The following PTGIS variants were observed in gnomAD, a reference collection of about 807,000 sequenced individuals.
The protein encoded by PTGIS is prostaglandin I2 synthase.
PTGIS carries 45 observed loss-of-function variants against 50.3 expected under a neutral mutation model. The observed-to-expected ratio is 0.90, with a 90% CI of 0.70 to 1.15. PTGIS has a LOEUF of 1.15. Among genes scored for constraint, PTGIS ranks in the 50% most tolerant of loss-of-function variants. The probability of loss-of-function intolerance (pLI) is 0.00; values close to 1 mark genes in which losing one functional copy is unlikely to be tolerated. For synonymous variants in PTGIS, 260 were observed against 267.7 expected (o/e 0.97, Z 0.28); for missense variants, 668 against 661.3 (o/e 1.01, Z -0.11).
chr20:49,516,330 T>G (rs1275475459), intron 6 of PTGIS, among the ~76,000 whole-genome samples: 1 of 152,024 alleles, frequency 6.6e-6, no homozygotes, highest in Non-Finnish European at 1.5e-5. Context: ...CAGGCTGGAG[T>G]GCAATGGCAC....
At chr20:49,509,888 T>TC (rs1568667125) in intron 9 of PTGIS, among the ~76,000 whole-genome samples, 5 of 120,164 alleles carry the variant, frequency 4.2e-5, no homozygotes, top group Non-Finnish European at 8.9e-5. Flanking sequence ...TTTCTTTTTT[T>TC]TTTTTTTTTT....
chr20:49,535,130 G>A (rs1023860587), intron 5 of PTGIS, among the ~76,000 whole-genome samples: 13 of 152,220 alleles, frequency 8.5e-5, no homozygotes, highest in African/African-American at 2.9e-4. Context: ...ATAACTGCAT[G>A]TTGGCAAGGT....
chr20:49,543,574 G>A (rs910889016), intron 4 of PTGIS, among the ~76,000 whole-genome samples: 17 of 152,088 alleles, frequency 1.1e-4, no homozygotes, highest in Non-Finnish European at 1.8e-4. Context: ...CACACTGGCC[G>A]TCTCTCTGAG....
chr20:49,545,746 C>T (rs986767974), intron 3 of PTGIS, among the ~76,000 whole-genome samples: 20 of 152,116 alleles, frequency 1.3e-4, no homozygotes, highest in Admixed American at 5.2e-4. Context: ...TGTCCATGGG[C>T]GGTGCACAGC....
At chr20:49,509,519 C>T (rs112916092) in intron 9 of PTGIS, among the ~76,000 whole-genome samples, 47 of 152,250 alleles carry the variant, frequency 3.1e-4, no homozygotes, top group African/African-American at 1.1e-3. Flanking sequence ...GAATTTGTTC[C>T]AATAGGATTG....
intron 5 of PTGIS, among the ~76,000 whole-genome samples, chr20:49,530,180 C>G (rs939129052): frequency 1.4e-4 from 21 of 151,130 alleles, no homozygotes; most frequent in Non-Finnish European, 2.5e-4. Context: ...AAATTAAACT[C>G]TGTCATAGTT....
chr20:49,546,613 T>C, intron 3 of PTGIS, among the ~76,000 whole-genome samples: 1 of 152,152 alleles, frequency 6.6e-6, no homozygotes. Context: ...TGAAGGAGAA[T>C]GCGCTGTGAA....
intron 6 of PTGIS, among the ~76,000 whole-genome samples, chr20:49,516,853 T>C (rs1981493210): frequency 6.6e-6 from 1 of 152,200 alleles, no homozygotes; most frequent in South Asian, 2.1e-4. Flanking sequence ...TGCATCCCTT[T>C]GGATTAGAGG....
intron 5 of PTGIS, among the ~76,000 whole-genome samples, chr20:49,529,427 A>C (rs1981877878): frequency 6.6e-6 from 1 of 152,180 alleles, no homozygotes; most frequent in Non-Finnish European, 1.5e-5. Flanking sequence ...TATTGTTACA[A>C]ATGGCAGGAT....
intron 6 of PTGIS, among the ~76,000 whole-genome samples, chr20:49,523,329 G>T (rs1339914174): frequency 6.6e-6 from 1 of 152,072 alleles, no homozygotes; most frequent in Non-Finnish European, 1.5e-5. Context: ...TCCCAGTGGG[G>T]AAAAGAGAGC....
At chr20:49,512,050 T>C (rs1981334460) in intron 8 of PTGIS, among the ~76,000 whole-genome samples, 1 of 151,604 alleles carries the variant, frequency 6.6e-6, no homozygotes. Context: ...GGTAGATAAA[T>C]GAGTGGGTGG....
chr20:49,542,907 A>T (rs1732901131), intron 4 of PTGIS, among the ~76,000 whole-genome samples: 1 of 152,024 alleles, frequency 6.6e-6, no homozygotes, highest in Non-Finnish European at 1.5e-5. Flanking sequence ...GTAAAGTCCT[A>T]GCCTCCTAGA....
In PTGIS at chr20:49,540,876, C is replaced by T. The variant is rs1982209382; in HGVS notation, c.522-1155G>A. Among the ~76,000 whole-genome samples, 7 of 152,210 alleles carry T rather than the reference C, an allele frequency of 4.6e-5. No homozygotes were observed. The highest frequency in any genetic ancestry group is 4.6e-4 in the Admixed American group (7 of 15,288). On this transcript the variant is annotated intron_variant, in intron 4 of 9. Coordinates refer to ENST00000244043, the MANE Select transcript of PTGIS (RefSeq NM_000961.4). This position sits in a 1 kb window ranked among gnomAD's most constrained non-coding sequence, Gnocchi z 4.8. The stretch of plus-strand genomic sequence containing the variant: ...AGCCCCGGGGCCTCACCCTCTCACC[C>T]TCCCCTTGAGCTCCTGGATCCCTGT...
intron 9 of PTGIS, 53 bp from the exon 10 acceptor site, chr20:49,508,117 A>G: frequency 6.2e-7 from 1 of 1,603,754 alleles, no homozygotes; most frequent in Non-Finnish European, 8.5e-7. Flanking sequence ...GCAGGGGGTT[A>G]TCGGGAACAA....
chr20:49,525,408 G>A (rs978873464), intron 5 of PTGIS, among the ~76,000 whole-genome samples: 1 of 152,154 alleles, frequency 6.6e-6, no homozygotes, highest in Non-Finnish European at 1.5e-5. Context: ...GATCACTAGC[G>A]TGCATCACCA....
At chr20:49,550,292 T>G in intron 1 of PTGIS, 103 bp from the exon 2 acceptor site, 1 of 1,476,914 alleles carries the variant, frequency 6.8e-7, no homozygotes, top group Non-Finnish European at 9.3e-7. Context: ...GGGGAGGTAA[T>G]CTGAATGGAG....
intron 1 of PTGIS, among the ~76,000 whole-genome samples, chr20:49,562,962 G>A (rs1982813715): frequency 6.6e-6 from 1 of 152,220 alleles, no homozygotes; most frequent in Non-Finnish European, 1.5e-5. Flanking sequence ...CATGTATGCA[G>A]TCGGTGCTCA....
At chr20:49,519,609 C>CA (rs2122849250) in intron 6 of PTGIS, among the ~76,000 whole-genome samples, 2 of 152,072 alleles carry the variant, frequency 1.3e-5, no homozygotes, top group South Asian at 4.2e-4. Flanking sequence ...TCTATGCTGA[C>CA]AACTCCCAAG....
intron 6 of PTGIS, among the ~76,000 whole-genome samples, chr20:49,520,283 TG>T: frequency 6.6e-6 from 1 of 152,214 alleles, no homozygotes; most frequent in South Asian, 2.1e-4. Flanking sequence ...GAGGCCTTCC[TG>T]GGCCTGCCTT....
Sources: allele counts gnomAD v4.1 joint callset (sites outside exome capture counted in the v4.1 genomes callset), GRCh38; gene constraint gnomAD v4.1.1; non-coding constraint Gnocchi (gnomAD v3.1); transcripts MANE v1.5; gene names NCBI Gene and HGNC (gene_info 2026-07-23, HGNC 2026-07-21).